Variants in SLC16A9 observed in about 807,000 individuals in gnomAD.
SLC16A9 encodes monocarboxylate transporter 9.
In SLC16A9, 26 loss-of-function variants were observed where a neutral mutation model predicts 44.3. The observed-to-expected ratio is 0.59, with a 90% CI of 0.43 to 0.81. The LOEUF (loss-of-function observed/expected upper bound fraction) is 0.81, where lower values mean the gene tolerates loss of function less well. Ranked by LOEUF, SLC16A9 falls within the 40% of genes least tolerant of loss-of-function variation. SLC16A9 has a pLI of 0.00. For synonymous variants in SLC16A9, 230 were observed against 225.1 expected (o/e 1.02, Z -0.19); for missense variants, 559 against 595.8 (o/e 0.94, Z 0.64).
chr10:59,668,091 T>C (rs1839663292), intron 3 of SLC16A9, among the ~76,000 whole-genome samples: 1 of 152,050 alleles, frequency 6.6e-6, no homozygotes, highest in South Asian at 2.1e-4. Flanking sequence ...TTTAATCTCA[T>C]CTAAAGCCTC....
In SLC16A9 at chr10:59,682,587, T is replaced by A. The variant is rs1564706466; in HGVS notation, c.196+1509A>T. Among the ~76,000 whole-genome samples, 3 of 152,282 alleles carry A rather than the reference T, an allele frequency of 2.0e-5. No individual in the cohort carries two copies. The South Asian group carries it at 6.2e-4, about 32-fold the overall frequency. ...ATTCTTCAAGTATGTGCTAATTGAG[T>A]CAGCATTTTAATTATCCTTTGACCC... On this transcript the variant is annotated intron_variant, in intron 2 of 5. Coordinates refer to ENST00000395348, the MANE Select transcript of SLC16A9 (RefSeq NM_194298.3).
At chr10:59,695,717 A>AGAGCAAAGCTTC (rs1445422048) in intron 1 of SLC16A9, among the ~76,000 whole-genome samples, 2 of 152,210 alleles carry the variant, frequency 1.3e-5, no homozygotes, top group Non-Finnish European at 2.9e-5. Context: ...AAGGAGCAAC[A>AGAGCAAAGCTTC]GAGCAAAGCT....
At chr10:59,690,486 A>C (rs1373959033) in intron 1 of SLC16A9, among the ~76,000 whole-genome samples, 2 of 152,174 alleles carry the variant, frequency 1.3e-5, no homozygotes, top group African/African-American at 4.8e-5. Context: ...CAGGAGTGGA[A>C]GGGCCTCATA....
intron 2 of SLC16A9, among the ~76,000 whole-genome samples, chr10:59,673,669 G>A (rs1839799267): frequency 6.6e-6 from 1 of 152,182 alleles, no homozygotes; most frequent in Non-Finnish European, 1.5e-5. Context: ...GCTAAAGACA[G>A]ACAATACTGT....
intron 1 of SLC16A9, chr10:59,708,552 C>T (rs1207981024): frequency 6.6e-6 from 1 of 152,164 alleles, no homozygotes; most frequent in East Asian, 1.9e-4. Context: ...TTAAAAAACA[C>T]ATCAAAACTG....
At chr10:59,678,436 C>T (rs1839906029) in intron 2 of SLC16A9, among the ~76,000 whole-genome samples, 2 of 151,638 alleles carry the variant, frequency 1.3e-5, no homozygotes, top group Non-Finnish European at 2.9e-5. Context: ...ATCTCATATA[C>T]CCTGACTGCC....
intron 1 of SLC16A9, among the ~76,000 whole-genome samples, chr10:59,688,623 T>C (rs1390981954): frequency 6.6e-6 from 1 of 152,038 alleles, no homozygotes; most frequent in Non-Finnish European, 1.5e-5. Flanking sequence ...ATCTTTCTAA[T>C]GACAATTTAG....
intron 2 of SLC16A9, among the ~76,000 whole-genome samples, chr10:59,676,110 G>A (rs1446105946): frequency 6.6e-6 from 1 of 152,158 alleles, no homozygotes; most frequent in African/African-American, 2.4e-5. Context: ...ATGTCTTATA[G>A]ATAACATAGC....
At chr10:59,672,998 C>T in intron 2 of SLC16A9, 85 bp from the exon 3 acceptor site, 5 of 1,350,446 alleles carry the variant, frequency 3.7e-6, no homozygotes, top group East Asian at 2.4e-5. Context: ...CATAAAACAA[C>T]AAAAATAAAA....
chr10:59,685,155 TC>T (rs1405910122), intron 1 of SLC16A9, among the ~76,000 whole-genome samples: 1 of 152,216 alleles, frequency 6.6e-6, no homozygotes, highest in African/African-American at 2.4e-5. Flanking sequence ...TACATTACAT[TC>T]CCCACCTTCC....
intron 3 of SLC16A9, among the ~76,000 whole-genome samples, chr10:59,667,830 T>C (rs891539947): frequency 6.6e-6 from 1 of 152,226 alleles, no homozygotes; most frequent in Non-Finnish European, 1.5e-5. Context: ...ACAGCATCAG[T>C]ATTAGTAAGG....
chr10:59,668,462 C>A (rs901707795), intron 3 of SLC16A9, among the ~76,000 whole-genome samples: 1 of 152,182 alleles, frequency 6.6e-6, no homozygotes, highest in Non-Finnish European at 1.5e-5. Context: ...GAAGCCTCCA[C>A]CCTCTCTCCC....
chr10:59,669,555 G>A (rs1039712216), intron 3 of SLC16A9, among the ~76,000 whole-genome samples: 11 of 152,172 alleles, frequency 7.2e-5, no homozygotes, highest in Non-Finnish European at 1.5e-5. Flanking sequence ...AATAAACAGA[G>A]GCCAGGTACA....
chr10:59,696,942 G>A (rs1289248544), intron 1 of SLC16A9, among the ~76,000 whole-genome samples: 2 of 139,036 alleles, frequency 1.4e-5, no homozygotes, highest in African/African-American at 5.5e-5. Flanking sequence ...TGGGGGGTCA[G>A]CCCCCCGCCC....
At chr10:59,675,539 C>A (rs1020442633) in intron 2 of SLC16A9, among the ~76,000 whole-genome samples, 3 of 152,110 alleles carry the variant, frequency 2.0e-5, no homozygotes, top group African/African-American at 7.2e-5. Flanking sequence ...TCCCAGTAGA[C>A]AGAAAACACC....
chr10:59,681,706 ATG>A (rs1358014762), intron 2 of SLC16A9, among the ~76,000 whole-genome samples: 2,242 of 36,852 alleles, frequency 0.061, 933 homozygotes, highest in East Asian at 0.27. Context: ...ATATATGTAT[ATG>A]TATATGTATA....
At chr10:59,677,283 G>T (rs1302893656) in intron 2 of SLC16A9, among the ~76,000 whole-genome samples, 3 of 151,758 alleles carry the variant, frequency 2.0e-5, no homozygotes, top group African/African-American at 7.3e-5. Flanking sequence ...TAGAGACAGG[G>T]TCTCATTATG....
At chr10:59,684,835 T>G (rs866700050) in intron 1 of SLC16A9, among the ~76,000 whole-genome samples, 12 of 152,220 alleles carry the variant, frequency 7.9e-5, no homozygotes, top group African/African-American at 2.9e-4. Context: ...TGTGCTGAGC[T>G]GGGTGCTGGG....
At chr10:59,700,636 T>G (rs1475735777) in intron 1 of SLC16A9, among the ~76,000 whole-genome samples, 1 of 152,206 alleles carries the variant, frequency 6.6e-6, no homozygotes, top group African/African-American at 2.4e-5. Flanking sequence ...ATTTAGTAAG[T>G]GTTCAATCTT....
Sources: allele counts gnomAD v4.1 joint callset (sites outside exome capture counted in the v4.1 genomes callset), GRCh38; gene constraint gnomAD v4.1.1; transcripts MANE v1.5; gene names NCBI Gene and HGNC (gene_info 2026-07-23, HGNC 2026-07-21).